HMGCLL1: variants seen among roughly 807,000 people sequenced by gnomAD.
HMGCLL1 encodes 3-hydroxy-3-methylglutaryl-CoA lyase like 1, also known as 3-hydroxymethyl-3-methylglutaryl-CoA lyase, cytoplasmic.
Under a neutral mutation model 39.1 loss-of-function variants are expected in HMGCLL1, and 36 were observed. The ratio of observed to expected loss-of-function variants is 0.92; its 90% CI spans 0.71 to 1.22. The LOEUF (loss-of-function observed/expected upper bound fraction) is 1.22, where lower values mean the gene tolerates loss of function less well. HMGCLL1 is among the 50% of genes most tolerant of loss of function. The pLI, the probability that HMGCLL1 is intolerant of heterozygous loss-of-function variation, is 0.00. For synonymous variants in HMGCLL1, 149 were observed against 144.0 expected, an observed-to-expected ratio of 1.03 and a Z score of -0.25; for missense variants, 451 against 416.5, an observed-to-expected ratio of 1.08 and a Z score of -0.72.
chr6:55,583,493 A>G (rs568396726), upstream of HMGCLL1, among the ~76,000 whole-genome samples: 5 of 152,020 alleles, frequency 3.3e-5, no homozygotes, highest in African/African-American at 9.6e-5. Context: ...ATGATTTCCA[A>G]TTTCATCCAT....
chr6:55,659,044 A>C, the HMGCLL1 span, among the ~76,000 whole-genome samples: 2 of 151,954 alleles, frequency 1.3e-5, no homozygotes, highest in Admixed American at 6.6e-5. Flanking sequence ...AGAGGTCAAT[A>C]GTTGATTTAG....
chr6:55,513,480 TTTTTAAA>T (rs1767571305), intron 5 of HMGCLL1: 1 of 152,254 alleles, frequency 6.6e-6, no homozygotes, highest in Non-Finnish European at 1.5e-5. Context: ...TTATCAAGTA[TTTTTAAA>T]CAGTGTTCTG....
At chr6:55,437,723 A>G (rs1404048139) in intron 8 of HMGCLL1, among the ~76,000 whole-genome samples, 1 of 152,192 alleles carries the variant, frequency 6.6e-6, no homozygotes, top group Non-Finnish European at 1.5e-5. Flanking sequence ...TCATACTTAT[A>G]TGTTAGGTGT....
chr6:55,578,898 C>T (rs759588639), intron 1 of HMGCLL1, 50 bp downstream of exon 1: 2 of 1,355,468 alleles, frequency 1.5e-6, no homozygotes, highest in Non-Finnish European at 1.0e-6. Context: ...GAGAGGCTGG[C>T]TGTCAGTGTG....
At chr6:55,537,154 G>A (rs1274666532) in intron 3 of HMGCLL1, among the ~76,000 whole-genome samples, 1 of 151,912 alleles carries the variant, frequency 6.6e-6, no homozygotes, top group East Asian at 1.9e-4. Flanking sequence ...ATTTTAAAAT[G>A]GTCTGCTCAG....
At chr6:55,573,143 G>C (rs530681737) in intron 1 of HMGCLL1, among the ~76,000 whole-genome samples, 10 of 152,210 alleles carry the variant, frequency 6.6e-5, no homozygotes, top group Admixed American at 3.3e-4. Flanking sequence ...AGGATGAAGA[G>C]AAAAAAGTAA....
At chr6:55,556,944 A>G (rs1403346188) in intron 1 of HMGCLL1, among the ~76,000 whole-genome samples, 2 of 152,186 alleles carry the variant, frequency 1.3e-5, no homozygotes, top group African/African-American at 4.8e-5. Context: ...CGAGAGGGAA[A>G]CAGTCCCAAA....
chr6:55,574,842 G>A (rs894886585), intron 1 of HMGCLL1, among the ~76,000 whole-genome samples: 1 of 151,914 alleles, frequency 6.6e-6, no homozygotes, highest in African/African-American at 2.4e-5. Context: ...ATAACTTTAC[G>A]CTGAATCATA....
chr6:55,607,503 G>A, the HMGCLL1 span, among the ~76,000 whole-genome samples: 2 of 152,054 alleles, frequency 1.3e-5, no homozygotes, highest in Non-Finnish European at 2.9e-5. Context: ...GTCTCTTCAG[G>A]GATTGCCTGA....
the HMGCLL1 span, among the ~76,000 whole-genome samples, chr6:55,628,156 T>TAA: frequency 1.1e-4 from 2 of 17,464 alleles, no homozygotes; most frequent in African/African-American, 2.9e-4. Context: ...ATATATATAA[T>TAA]ATATATATAG....
intron 3 of HMGCLL1, among the ~76,000 whole-genome samples, chr6:55,525,916 C>A (rs1012073794): frequency 6.6e-6 from 1 of 151,868 alleles, no homozygotes; most frequent in East Asian, 1.9e-4. Context: ...TTACAATGAG[C>A]ATTATTATGG....
the HMGCLL1 span, among the ~76,000 whole-genome samples, chr6:55,620,486 C>T: frequency 6.6e-6 from 1 of 152,022 alleles, no homozygotes; most frequent in East Asian, 1.9e-4. Context: ...CCTTTTATAT[C>T]TTCTTTTGAG....
intron 7 of HMGCLL1, among the ~76,000 whole-genome samples, chr6:55,479,604 T>C (rs1488362558): frequency 6.6e-6 from 1 of 151,664 alleles, no homozygotes; most frequent in Non-Finnish European, 1.5e-5. Flanking sequence ...TATATCCATT[T>C]TTCATTTTTT....
At chr6:55,485,394 G>A (rs887141603) in intron 7 of HMGCLL1, among the ~76,000 whole-genome samples, 4 of 151,926 alleles carry the variant, frequency 2.6e-5, no homozygotes, top group Non-Finnish European at 2.9e-5. Flanking sequence ...GCTTTTTATC[G>A]TGGCTGTGTG....
chr6:55,601,950 C>T, the HMGCLL1 span, among the ~76,000 whole-genome samples: 1 of 151,940 alleles, frequency 6.6e-6, no homozygotes. Flanking sequence ...AAATGCAATC[C>T]ATTCAATCCT....
At chr6:55,650,092 T>C in the HMGCLL1 span, among the ~76,000 whole-genome samples, 23 of 12,452 alleles carry the variant, frequency 1.8e-3, no homozygotes, top group African/African-American at 3.0e-3. Context: ...CACATATACA[T>C]ATATATATAT....
At chr6:55,607,843 G>C in the HMGCLL1 span, among the ~76,000 whole-genome samples, 1 of 152,070 alleles carries the variant, frequency 6.6e-6, no homozygotes, top group East Asian at 1.9e-4. Context: ...TTTGAAACCT[G>C]GTTCCACCTG....
the HMGCLL1 span, among the ~76,000 whole-genome samples, chr6:55,626,129 G>T: frequency 1.3e-5 from 2 of 152,122 alleles, no homozygotes; most frequent in South Asian, 4.1e-4. Flanking sequence ...TCCTTGGGGT[G>T]ATCAGCCAGC....
the HMGCLL1 span, among the ~76,000 whole-genome samples, chr6:55,609,765 A>T: frequency 2.0e-5 from 3 of 152,136 alleles, no homozygotes; most frequent in African/African-American, 7.2e-5. Flanking sequence ...CTTATACAGG[A>T]GCATTCCTAC....
Sources: allele counts gnomAD v4.1 joint callset (sites outside exome capture counted in the v4.1 genomes callset), GRCh38; gene constraint gnomAD v4.1.1; transcripts MANE v1.5; gene names NCBI Gene and HGNC (gene_info 2026-07-23, HGNC 2026-07-21).